ABCC1: variants seen among roughly 807,000 people sequenced by gnomAD.
ABCC1 encodes the protein ATP binding cassette subfamily C member 1 (ABCC1 blood group).
In ABCC1, 83 loss-of-function variants were observed where a neutral mutation model predicts 172.9. That is an observed-to-expected ratio of 0.48 (90% CI 0.40 to 0.58). The LOEUF (loss-of-function observed/expected upper bound fraction) is 0.58. Among genes scored for constraint, ABCC1 ranks in the 20% least tolerant of loss-of-function variants. ABCC1 has a pLI of 0.00. For missense variants in ABCC1, 1,817 were observed against 2,002.7 expected (o/e 0.91, Z 1.77); for synonymous variants, 937 against 825.2 (o/e 1.14, Z -2.32).
intron 27 of ABCC1, among the ~76,000 whole-genome samples, chr16:16,133,290 A>G (rs212082): frequency 0.16 from 24,326 of 152,146 alleles, 1,997 homozygotes; most frequent in East Asian, 0.23. Flanking sequence ...ACCTCCCACA[A>G]AGCTCAGAAC....
At position 16,016,549 on chromosome 16, in the gene ABCC1, C is replaced by G. The variant is rs373589044; in HGVS notation, c.543C>G (p.Leu181=). 6.2e-7 allele frequency: 1 copy of G among 1,614,160 alleles called. No homozygotes were observed. Among genetic ancestry groups the G allele is most frequent in the Non-Finnish European group, 8.5e-7 (1 of 1,180,008 alleles). ...TCACTTTCTACGTCTACTTTTCCCT[C>G]TTACTCATTCAGCTCGTCTTGTCCT... ...RDITFYVYFS[L]LLIQLVLSCF... is the part of the protein sequence containing the mutation. Residue 181 remains leucine (L), a synonymous_variant, in exon 5 of 31, where the codon CTC becomes CTG. Coordinates refer to ENST00000399410, the MANE Select transcript of ABCC1 (RefSeq NM_004996.4).
At chr16:16,068,398 A>T (rs930071752) in intron 13 of ABCC1, 96 bp downstream of exon 13, 1 of 1,443,054 alleles carries the variant, frequency 6.9e-7, no homozygotes, top group Non-Finnish European at 9.5e-7. Context: ...TCTAGATCAC[A>T]CTCCCGGTCG....
chr16:16,126,331 C>T (rs1161122820), intron 26 of ABCC1, among the ~76,000 whole-genome samples: 1 of 152,172 alleles, frequency 6.6e-6, no homozygotes, highest in Non-Finnish European at 1.5e-5. Flanking sequence ...CACTTGGAGT[C>T]TTCAACAGGA....
intron 5 of ABCC1, among the ~76,000 whole-genome samples, chr16:16,029,868 G>A (rs544112024): frequency 2.8e-4 from 42 of 152,264 alleles, no homozygotes; most frequent in African/African-American, 8.7e-4. Flanking sequence ...ACATGTATAT[G>A]TGACTGTAAT....
At chr16:16,109,771 T>C (rs557248118) in intron 21 of ABCC1, among the ~76,000 whole-genome samples, 1 of 151,884 alleles carries the variant, frequency 6.6e-6, no homozygotes, top group Non-Finnish European at 1.5e-5. Flanking sequence ...GTGAAAAGAG[T>C]TGGAGGAGGC....
rs750547260 is a variant in ABCC1, at chr16:16,052,857, G to A, written c.1473+41G>A. On this transcript the variant is annotated intron_variant, in intron 11 of 30. Transcript: ENST00000399410. ...CTGCGGGCCCCCAAGCCGGGCCCTA[G>A]GCAGAGGCCTCTCCATGAGGATTTT... The A allele has an allele frequency of 5.1e-6, 8 of 1,584,048 alleles. 1 individual carries two copies. The South Asian group carries it at 8.8e-5, about 18-fold the overall frequency.
At chr16:15,990,461 A>G (rs950664171) in intron 1 of ABCC1, among the ~76,000 whole-genome samples, 1 of 152,112 alleles carries the variant, frequency 6.6e-6, no homozygotes, top group Non-Finnish European at 1.5e-5. Flanking sequence ...ATACGCTTTG[A>G]CCAACACCTC....
intron 4 of ABCC1, 55 bp from the exon 5 acceptor site, chr16:16,016,441 A>T: frequency 6.2e-7 from 1 of 1,607,044 alleles, no homozygotes; most frequent in Non-Finnish European, 8.5e-7. Flanking sequence ...GGCGTGAGCC[A>T]CCACACCCAG....
chr16:16,136,774 C>T (rs1362131314), intron 29 of ABCC1, 130 bp downstream of exon 29: 11 of 1,052,410 alleles, frequency 1.0e-5, no homozygotes, highest in Admixed American at 8.5e-5. Context: ...GTCCCTTCAC[C>T]TCTTGGAGCC....
intron 14 of ABCC1, among the ~76,000 whole-genome samples, 159 bp downstream of exon 14, chr16:16,071,888 G>A (rs142225195): frequency 3.8e-4 from 58 of 152,314 alleles, no homozygotes; most frequent in African/African-American, 1.4e-3. Flanking sequence ...TGCAGAGCCT[G>A]CAGAAGGGAA....
intron 21 of ABCC1, 40 bp from the exon 22 acceptor site, chr16:16,111,335 C>G (rs767843518): frequency 1.4e-5 from 18 of 1,242,062 alleles, no homozygotes; most frequent in Admixed American, 5.6e-5. Context: ...GGGCTGGGTG[C>G]GTGCATGTGC....
At chr16:16,136,883 G>C (rs2045935699) in intron 29 of ABCC1, among the ~76,000 whole-genome samples, 1 of 152,162 alleles carries the variant, frequency 6.6e-6, no homozygotes, top group Non-Finnish European at 1.5e-5. Context: ...ATACACACCA[G>C]CTCCATTCAG....
chr16:15,993,823 G>A (rs1229479179), intron 1 of ABCC1, among the ~76,000 whole-genome samples: 2 of 152,124 alleles, frequency 1.3e-5, no homozygotes, highest in Non-Finnish European at 2.9e-5. Flanking sequence ...TCTGCTCTAG[G>A]GAGATGAATT....
intron 13 of ABCC1, among the ~76,000 whole-genome samples, chr16:16,069,755 G>C (rs573534928): frequency 6.6e-6 from 1 of 152,188 alleles, no homozygotes; most frequent in East Asian, 1.9e-4. Context: ...CAAGCATGAT[G>C]GCTCACACCT....
intron 3 of ABCC1, among the ~76,000 whole-genome samples, chr16:16,013,270 G>GTTT (rs35420214): frequency 3.0e-3 from 437 of 145,832 alleles, no homozygotes; most frequent in Middle Eastern, 7.1e-3. Flanking sequence ...GCCAGCACAT[G>GTTT]TTTTTTTTTT....
intron 3 of ABCC1, among the ~76,000 whole-genome samples, chr16:16,014,191 A>G (rs528751156): frequency 6.6e-6 from 1 of 152,164 alleles, no homozygotes; most frequent in African/African-American, 2.4e-5. Flanking sequence ...CACACCTGTA[A>G]TCCCAGCACC....
chr16:16,070,492 G>T (rs144197736), intron 13 of ABCC1, among the ~76,000 whole-genome samples: 1 of 152,226 alleles, frequency 6.6e-6, no homozygotes, highest in African/African-American at 2.4e-5. Flanking sequence ...GTGAAACCCT[G>T]TCTCTGCTAA....
At chr16:16,019,107 G>T (rs2048108275) in intron 5 of ABCC1, among the ~76,000 whole-genome samples, 1 of 151,900 alleles carries the variant, frequency 6.6e-6, no homozygotes, top group Admixed American at 6.6e-5. Context: ...TTTTTCTGTT[G>T]TTTTGTTTTG....
intron 1 of ABCC1, among the ~76,000 whole-genome samples, chr16:15,999,529 C>G (rs929854455): frequency 6.6e-6 from 1 of 151,404 alleles, no homozygotes; most frequent in Non-Finnish European, 1.5e-5. Context: ...GCAGGAGACT[C>G]GTTTGAACCC....
Sources: gnomAD v4.1 joint callset for allele counts (sites outside exome capture counted in the v4.1 genomes callset) on GRCh38, gnomAD v4.1.1 for gene constraint, MANE v1.5 for transcripts, NCBI Gene and HGNC (gene_info 2026-07-23, HGNC 2026-07-21) for gene names.